The following CCND3 variants were observed in gnomAD, a reference collection of about 807,000 sequenced individuals.
CCND3 encodes the protein cyclin D3.
CCND3 carries 9 observed loss-of-function variants against 28.7 expected under a neutral mutation model. The observed-to-expected ratio is 0.31, with a 90% confidence interval of 0.19 to 0.55. The LOEUF (loss-of-function observed/expected upper bound fraction) is 0.55. Ranked by LOEUF, CCND3 falls within the 20% of genes least tolerant of loss-of-function variation. The pLI is 0.93. For missense variants in CCND3, 315 were observed against 385.8 expected, an observed-to-expected ratio of 0.82 and a Z score of 1.54; for synonymous variants, 164 against 163.9, an observed-to-expected ratio of 1.00 and a Z score of 0.00.
At position 41,936,660 on chromosome 6, in the gene CCND3, C is replaced by T. The variant is rs1775808778; in HGVS notation, c.610G>A (p.Ala204Thr). ...TFAMYPPSMI[A>T]TGSIGAAVQG... ...ACTGCAGCCCCAATGCTGCCCGTGG[C>T]GATCATGGATGGCGGGTACATGGCA... is the stretch of plus-strand genomic sequence containing the variant. Residue 204 changes from alanine (A) to threonine (T), a missense_variant, in exon 4 of 5, where the codon GCC becomes ACC. Ala to Thr is a moderately conservative substitution (Grantham distance 58). Coordinates refer to ENST00000372991, the MANE Select transcript of CCND3 (RefSeq NM_001760.5). This position sits in a 1 kb window ranked among gnomAD's most constrained non-coding sequence, Gnocchi z 4.4. The T allele has an allele frequency of 1.9e-6, 3 of 1,613,918 alleles. No individual in the cohort carries two copies. The highest frequency in any genetic ancestry group is 8.5e-7 in the Non-Finnish European group (1 of 1,179,980).
At chr6:42,045,686 G>A (rs541804113) in intron 1 of CCND3, among the ~76,000 whole-genome samples, 227 of 152,344 alleles carry the variant, frequency 1.5e-3, no homozygotes, top group Non-Finnish European at 2.7e-3. Context: ...GCCACCCCTA[G>A]AAAGGGGCAG....
At chr6:42,028,820 CAAT>C (rs1763960140) in intron 1 of CCND3, among the ~76,000 whole-genome samples, 1 of 152,218 alleles carries the variant, frequency 6.6e-6, no homozygotes. Flanking sequence ...CAGCCCAGCA[CAAT>C]GTCTGGCACA....
intron 1 of CCND3, among the ~76,000 whole-genome samples, chr6:41,947,788 A>C (rs551166545): frequency 6.6e-6 from 1 of 152,098 alleles, no homozygotes; most frequent in Admixed American, 6.5e-5. Context: ...TCCGAGTTGC[A>C]TCATCTCTTA....
At chr6:41,974,904 T>G (rs1007487438) in intron 1 of CCND3, among the ~76,000 whole-genome samples, 1 of 150,168 alleles carries the variant, frequency 6.7e-6, no homozygotes, top group African/African-American at 2.5e-5. Context: ...GCGATTCTCC[T>G]GCCTCAGCCT....
chr6:42,046,283 A>G (rs1764542138), intron 1 of CCND3, among the ~76,000 whole-genome samples: 1 of 152,138 alleles, frequency 6.6e-6, no homozygotes, highest in Non-Finnish European at 1.5e-5. Flanking sequence ...CATCACCAGC[A>G]TTATCCCAGC....
At chr6:41,993,857 A>T (rs1762723196) in intron 1 of CCND3, among the ~76,000 whole-genome samples, 2 of 148,392 alleles carry the variant, frequency 1.3e-5, no homozygotes, top group South Asian at 4.4e-4. Flanking sequence ...CGGGAGGTGG[A>T]GGTTGTAGTC....
intron 1 of CCND3, among the ~76,000 whole-genome samples, chr6:41,950,476 C>T (rs1202945409): frequency 1.3e-5 from 2 of 152,122 alleles, no homozygotes; most frequent in Admixed American, 6.6e-5. Context: ...CCGTCCCAGC[C>T]TTCTCATTTG....
At chr6:41,973,208 C>T (rs192232214) in intron 1 of CCND3, among the ~76,000 whole-genome samples, 21 of 152,252 alleles carry the variant, frequency 1.4e-4, no homozygotes, top group Non-Finnish European at 2.5e-4. Context: ...CTCTAACACC[C>T]GCACAATTCC....
At chr6:42,002,435 ATC>A (rs1763037634) in intron 1 of CCND3, among the ~76,000 whole-genome samples, 9 of 39,714 alleles carry the variant, frequency 2.3e-4, no homozygotes, top group Middle Eastern at 8.6e-3. Context: ...ACAAGACTCC[ATC>A]TCAAAAAAAA....
At chr6:42,018,970 G>T (rs1295531334) in intron 1 of CCND3, among the ~76,000 whole-genome samples, 2 of 151,172 alleles carry the variant, frequency 1.3e-5, no homozygotes, top group Non-Finnish European at 2.9e-5. Flanking sequence ...AATATTAAAT[G>T]TTAAGGTTTT....
intron 1 of CCND3, chr6:42,031,287 C>T (rs991333575): frequency 6.6e-6 from 1 of 152,310 alleles, no homozygotes; most frequent in African/African-American, 2.4e-5. Flanking sequence ...CCTCACCTGA[C>T]TTCACCCACC....
At chr6:42,005,736 T>G (rs1467288503) in intron 1 of CCND3, among the ~76,000 whole-genome samples, 1 of 151,512 alleles carries the variant, frequency 6.6e-6, no homozygotes, top group African/African-American at 2.4e-5. Context: ...CAGGCTGGAG[T>G]GCAAAGGCGC....
At chr6:41,952,322 G>A (rs1165660194) in intron 1 of CCND3, among the ~76,000 whole-genome samples, 4 of 152,184 alleles carry the variant, frequency 2.6e-5, no homozygotes, top group East Asian at 1.9e-4. Flanking sequence ...CAGCTAAAGC[G>A]GGTGGAGAAA....
At chr6:42,004,771 C>T (rs772514852) in intron 1 of CCND3, among the ~76,000 whole-genome samples, 2 of 152,068 alleles carry the variant, frequency 1.3e-5, no homozygotes, top group African/African-American at 4.8e-5. Flanking sequence ...TTATTATTAT[C>T]CAAACCAGTA....
intron 1 of CCND3, among the ~76,000 whole-genome samples, chr6:41,988,757 G>A (rs1762562360): frequency 7.1e-6 from 1 of 140,530 alleles, no homozygotes; most frequent in African/African-American, 2.7e-5. Flanking sequence ...GGAGTGCAGT[G>A]GCGCGATGTC....
chr6:41,935,449 C>A lies in CCND3; in HGVS notation c.*491G>T. On this transcript the variant is annotated 3_prime_UTR_variant, in exon 5 of 5. Coordinates refer to ENST00000372991, the MANE Select transcript of CCND3 (RefSeq NM_001760.5). Reference sequence around the variant, plus strand: ...GCTGTCAGCACGGACTACATAGGGGCCTCCAAAGTACTGAGAGGAGCCATC... The same window carrying A: ...GCTGTCAGCACGGACTACATAGGGGACTCCAAAGTACTGAGAGGAGCCATC... 1 of 254,004 alleles carries A rather than the reference C, an allele frequency of 3.9e-6. No individual in the cohort carries two copies. Among genetic ancestry groups the A allele is most frequent in the Non-Finnish European group, 7.6e-6 (1 of 131,956 alleles). 15.7% of individuals were successfully genotyped at this position (254,004 alleles called of 1,614,324 possible).
At chr6:41,978,676 C>T (rs1349472048) in intron 1 of CCND3, among the ~76,000 whole-genome samples, 2 of 152,114 alleles carry the variant, frequency 1.3e-5, no homozygotes, top group East Asian at 3.9e-4. Flanking sequence ...ATCTGGCGTC[C>T]TGTGCTTCTT....
chr6:42,020,938 G>A (rs551283033), intron 1 of CCND3, among the ~76,000 whole-genome samples: 2 of 152,184 alleles, frequency 1.3e-5, no homozygotes, highest in Non-Finnish European at 2.9e-5. Context: ...TTTTAGTAGA[G>A]ACAGGGTTTC....
At chr6:41,980,711 G>T (rs1762321876) in intron 1 of CCND3, among the ~76,000 whole-genome samples, 1 of 152,172 alleles carries the variant, frequency 6.6e-6, no homozygotes, top group Non-Finnish European at 1.5e-5. Context: ...GCTCAGGTAT[G>T]CAAAACTGGT....
Sources: gnomAD v4.1 joint callset for allele counts (sites outside exome capture counted in the v4.1 genomes callset) on GRCh38, gnomAD v4.1.1 for gene constraint, Gnocchi (gnomAD v3.1) non-coding constraint, MANE v1.5 for transcripts, NCBI Gene and HGNC (gene_info 2026-07-23, HGNC 2026-07-21) for gene names.